RIMS2: variants seen among roughly 807,000 people sequenced by gnomAD.
The protein encoded by RIMS2 is regulating synaptic membrane exocytosis protein 2.
In RIMS2, 59 loss-of-function variants were observed where a neutral mutation model predicts 174.4. The observed-to-expected ratio is 0.34, with a 90% CI of 0.27 to 0.42. The LOEUF (loss-of-function observed/expected upper bound fraction) is 0.42, where lower values mean the gene tolerates loss of function less well. Among genes scored for constraint, RIMS2 ranks in the 10% least tolerant of loss-of-function variants. RIMS2 has a pLI of 1.00. For missense variants in RIMS2, 1,620 were observed against 1,666.3 expected (o/e 0.97, Z 0.48); for synonymous variants, 606 against 572.5 (o/e 1.06, Z -0.84).
At chr8:103,819,655 T>A in intron 3 of RIMS2, 33 of 1,542,590 alleles carry the variant, frequency 2.1e-5, no homozygotes, top group Non-Finnish European at 2.8e-5. Context: ...CTATATTTTC[T>A]TTTAATATTG....
chr8:103,987,408 G>A (rs2094438809), intron 16 of RIMS2, among the ~76,000 whole-genome samples: 1 of 151,964 alleles, frequency 6.6e-6, no homozygotes, highest in African/African-American at 2.4e-5. Flanking sequence ...TGGACTAATG[G>A]GGAAATAAAT....
chr8:103,867,495 T>C (rs2099089439), intron 3 of RIMS2, among the ~76,000 whole-genome samples: 1 of 151,890 alleles, frequency 6.6e-6, no homozygotes, highest in Non-Finnish European at 1.5e-5. Context: ...CTTTTAAGTT[T>C]TCTAAGGCAA....
chr8:103,627,253 A>G (rs992634185), intron 1 of RIMS2, among the ~76,000 whole-genome samples: 1 of 152,170 alleles, frequency 6.6e-6, no homozygotes, highest in African/African-American at 2.4e-5. Context: ...CAAGAAGAAA[A>G]ATATGGCTTT....
chr8:104,045,553 C>A (rs1215171101), intron 19 of RIMS2, among the ~76,000 whole-genome samples: 1 of 151,730 alleles, frequency 6.6e-6, no homozygotes, highest in Admixed American at 6.6e-5. Context: ...GAATTACTTC[C>A]AGACCTGATT....
intron 17 of RIMS2, among the ~76,000 whole-genome samples, chr8:104,008,818 A>T (rs2154553231): frequency 6.6e-6 from 1 of 152,076 alleles, no homozygotes; most frequent in East Asian, 1.9e-4. Flanking sequence ...GAATAAGCTT[A>T]TTTACTTTTA....
intron 17 of RIMS2, among the ~76,000 whole-genome samples, chr8:103,992,682 T>A (rs767149725): frequency 1.3e-5 from 2 of 152,196 alleles, no homozygotes; most frequent in Non-Finnish European, 2.9e-5. Flanking sequence ...CTTTAAATTT[T>A]TATTAGGTCT....
intron 3 of RIMS2, among the ~76,000 whole-genome samples, chr8:103,851,019 T>G (rs2098994912): frequency 6.6e-6 from 1 of 152,036 alleles, no homozygotes; most frequent in African/African-American, 2.4e-5. Context: ...GAAAAGTAAC[T>G]TACAAATTCA....
At chr8:104,141,122 A>AT (rs1172130139) in intron 19 of RIMS2, among the ~76,000 whole-genome samples, 1 of 135,138 alleles carries the variant, frequency 7.4e-6, no homozygotes, top group African/African-American at 2.8e-5. Flanking sequence ...TATAACTAGC[A>AT]TAAAAAAAAG....
At chr8:104,214,732 G>T (rs565202958) in intron 19 of RIMS2, among the ~76,000 whole-genome samples, 1 of 152,248 alleles carries the variant, frequency 6.6e-6, no homozygotes, top group African/African-American at 2.4e-5. Flanking sequence ...GAGCCACCTC[G>T]CCAGGCCCGA....
At chr8:103,936,510 T>A in intron 12 of RIMS2, 41 bp from the exon 15 acceptor site, 2 of 1,314,018 alleles carry the variant, frequency 1.5e-6, no homozygotes, top group Non-Finnish European at 2.1e-6. Context: ...ACAAAACTTA[T>A]AGTTCTATGT....
In RIMS2 at chr8:103,587,409, G is replaced by GAAGAAAGAAAGAGAAAGA; in HGVS notation, c.176+86359_176+86360insGAAAGAAAGAAAGAAAGA. ...CCAAAGACACATCAGGAAGAAAAAA[G>GAAGAAAGAAAGAGAAAGA]AAGAAAGAAAGAAAGAAAGAAAGAA... On this transcript the variant is annotated intron_variant, in intron 1 of 23. Coordinates refer to ENST00000504942, the Ensembl canonical transcript of RIMS2. Among the ~76,000 whole-genome samples the GAAGAAAGAAAGAGAAAGA allele has an allele frequency of 4.3e-5, 5 of 117,148 alleles. 1 individual carries two copies. The Admixed American group carries it at 4.6e-4, about 11-fold the overall frequency. 76.9% of individuals were successfully genotyped at this position (117,148 alleles called of 152,430 possible).
At chr8:103,842,308 A>G (rs1463304806) in intron 3 of RIMS2, among the ~76,000 whole-genome samples, 1 of 152,084 alleles carries the variant, frequency 6.6e-6, no homozygotes. Flanking sequence ...AAAAAGGCAT[A>G]GAAAGAAGAA....
chr8:103,955,027 A>G (rs1346913400), intron 14 of RIMS2, among the ~76,000 whole-genome samples: 1 of 152,178 alleles, frequency 6.6e-6, no homozygotes, highest in African/African-American at 2.4e-5. Context: ...CTGGGCACAT[A>G]CACCCTCCCA....
intron 1 of RIMS2, among the ~76,000 whole-genome samples, chr8:103,556,438 C>T (rs1237736709): frequency 3.3e-5 from 5 of 152,144 alleles, no homozygotes; most frequent in African/African-American, 1.2e-4. Flanking sequence ...CAAGTTATCT[C>T]ATCTTATACT....
chr8:103,923,017 CAG>C (rs2078016873), intron 10 of RIMS2, among the ~76,000 whole-genome samples: 1 of 151,720 alleles, frequency 6.6e-6, no homozygotes, highest in South Asian at 2.1e-4. Context: ...ATTTCATAAA[CAG>C]AGTGAACTTT....
chr8:103,791,063 A>G (rs1015958842), intron 3 of RIMS2, among the ~76,000 whole-genome samples: 8 of 152,336 alleles, frequency 5.3e-5, no homozygotes, highest in African/African-American at 1.7e-4. Flanking sequence ...TTCAGGAAAT[A>G]CAGAGAATGC....
intron 19 of RIMS2, among the ~76,000 whole-genome samples, chr8:104,083,239 C>G (rs530876245): frequency 5.9e-5 from 9 of 152,332 alleles, no homozygotes; most frequent in African/African-American, 2.2e-4. Context: ...AGCCTTGACT[C>G]TTTTCAGCAC....
At chr8:103,990,155 G>A (rs191609275) in intron 17 of RIMS2, among the ~76,000 whole-genome samples, 1 of 152,164 alleles carries the variant, frequency 6.6e-6, no homozygotes, top group Non-Finnish European at 1.5e-5. Flanking sequence ...ATAAAATAAC[G>A]AAGGAACTCA....
intron 3 of RIMS2, among the ~76,000 whole-genome samples, chr8:103,883,118 C>T (rs918634547): frequency 6.6e-6 from 1 of 151,616 alleles, no homozygotes; most frequent in African/African-American, 2.4e-5. Context: ...AGGAAGGTGT[C>T]TTAATCATTT....
Sources: allele counts gnomAD v4.1 joint callset (sites outside exome capture counted in the v4.1 genomes callset), GRCh38; gene constraint gnomAD v4.1.1; transcripts MANE v1.5; gene names NCBI Gene and HGNC (gene_info 2026-07-23, HGNC 2026-07-21).